KMT2C: variants seen among roughly 807,000 people sequenced by gnomAD.
KMT2C encodes histone-lysine N-methyltransferase 2C.
In KMT2C, 88 loss-of-function variants were observed where a neutral mutation model predicts 507.9. That is an observed-to-expected ratio of 0.17 (90% CI 0.15 to 0.21). The LOEUF is 0.21. KMT2C is among the 10% of genes least tolerant of loss of function. The pLI is 1.00. For synonymous variants in KMT2C, 2,049 were observed against 2,080.8 expected (o/e 0.98, Z 0.42); for missense variants, 4,954 against 5,957.8 (o/e 0.83, Z 5.55).
intron 25 of KMT2C, 34 bp downstream of exon 25, chr7:152,205,071 TA>T (rs752761493): frequency 1.7e-3 from 2,316 of 1,379,354 alleles, no homozygotes; most frequent in South Asian, 2.2e-3. Context: ...AGGGTTACAT[TA>T]AAAAAAAAAT....
rs780054077 is a variant in KMT2C at position 152,250,837 on chromosome 7, C to T, written c.1735+16G>A. 1 of 1,271,208 alleles carries T rather than the reference C, an allele frequency of 7.9e-7. No homozygotes were observed. Among genetic ancestry groups the T allele is most frequent in the Non-Finnish European group, 1.1e-6 (1 of 871,142 alleles). The allele number at this position is 1,271,208 out of a possible 1,614,324, so 78.7% of individuals were successfully genotyped here. On this transcript the variant is annotated intron_variant, in intron 12 of 58. Coordinates refer to ENST00000262189, the MANE Select transcript of KMT2C (RefSeq NM_170606.3). ...ATTTTCTTCAAAAACAGAGTATATC[C>T]ATTAAACATTCTTACCATCTGGAAC...
intron 2 of KMT2C, among the ~76,000 whole-genome samples, chr7:152,347,950 G>A (rs2097075819): frequency 6.6e-6 from 1 of 151,102 alleles, no homozygotes; most frequent in African/African-American, 2.4e-5. Context: ...GCTATTAAAG[G>A]GCCAACTGTT....
chr7:152,267,557 T>A (rs1463326351), intron 7 of KMT2C, among the ~76,000 whole-genome samples: 1 of 152,164 alleles, frequency 6.6e-6, no homozygotes, highest in Non-Finnish European at 1.5e-5. Flanking sequence ...TAACTGCAGT[T>A]TTTGACATTA....
intron 55 of KMT2C, among the ~76,000 whole-genome samples, chr7:152,142,389 TTC>T (rs1406582867): frequency 6.6e-6 from 1 of 152,202 alleles, no homozygotes; most frequent in Non-Finnish European, 1.5e-5. Context: ...AAGCTGCCTA[TTC>T]AATTAAGGTA....
In KMT2C at chr7:152,181,371, A is replaced by T. The variant is rs1401690225; in HGVS notation, c.6489T>A (p.Pro2163=). The T allele has an allele frequency of 4.3e-6, 7 of 1,614,022 alleles. No homozygotes were observed. The East Asian group carries it at 1.3e-4, about 31-fold the overall frequency. ...RSNTDPYSQP[P]GTPRPTTVDP... is the part of the protein sequence containing the mutation. ...CAACAGTAGTAGGCCGGGGAGTTCCAGGAGGTTGAGAGTAAGGGTCTGTAT... is the reference window on the plus strand; with the variant it reads ...CAACAGTAGTAGGCCGGGGAGTTCCTGGAGGTTGAGAGTAAGGGTCTGTAT... Residue 2163 remains proline, a synonymous_variant, in exon 36 of 59, where the codon CCT becomes CCA. Coordinates refer to ENST00000262189, the MANE Select transcript of KMT2C (RefSeq NM_170606.3).
intron 1 of KMT2C, among the ~76,000 whole-genome samples, chr7:152,380,465 G>A (rs1409069048): frequency 1.3e-5 from 2 of 152,242 alleles, no homozygotes; most frequent in East Asian, 3.9e-4. Context: ...CTACTCGAGA[G>A]GCGGAGACAG....
At chr7:152,380,339 A>C in intron 1 of KMT2C, among the ~76,000 whole-genome samples, 1 of 152,268 alleles carries the variant, frequency 6.6e-6, no homozygotes, top group Non-Finnish European at 1.5e-5. Context: ...AGGCCGAGGC[A>C]GGCAGATCAC....
intron 2 of KMT2C, among the ~76,000 whole-genome samples, chr7:152,339,447 A>T (rs568956441): frequency 2.4e-4 from 36 of 152,344 alleles, no homozygotes; most frequent in African/African-American, 7.0e-4. Context: ...TCAAAATTAC[A>T]GTAGTTATTA....
At chr7:152,351,448 C>T (rs1177193864) in intron 2 of KMT2C, among the ~76,000 whole-genome samples, 2 of 152,174 alleles carry the variant, frequency 1.3e-5, no homozygotes, top group Non-Finnish European at 2.9e-5. Context: ...AATTTCTCCG[C>T]TCCATTATAA....
In KMT2C at chr7:152,290,272, A is replaced by G. The variant is rs866657266; in HGVS notation, c.850-16405T>C. Among the ~76,000 whole-genome samples, 126 of 23,382 alleles carry G rather than the reference A, an allele frequency of 5.4e-3. 1 individual carries two copies. The highest frequency in any genetic ancestry group is 0.023 in the Admixed American group (40 of 1,730). 15.3% of individuals were successfully genotyped at this position (23,382 alleles called of 152,430 possible). On this transcript the variant is annotated intron_variant, in intron 6 of 58. Transcript: ENST00000262189. ...TGTGTGTATGTGTATATATATATAT[A>G]TATATATATATATATATATATATTT...
At chr7:152,199,209 A>G (rs1162415929) in intron 27 of KMT2C, 70 bp downstream of exon 27, 1 of 1,295,692 alleles carries the variant, frequency 7.7e-7, no homozygotes, top group Admixed American at 2.7e-5. Context: ...AACATTTCAA[A>G]AAGATTTAAC....
In KMT2C at chr7:152,136,675, A is replaced by T. The variant is rs2089902759; in HGVS notation, c.*157T>A. The T allele has an allele frequency of 4.9e-6, 3 of 614,942 alleles. No homozygotes were observed. Among genetic ancestry groups the T allele is most frequent in the Non-Finnish European group, 8.7e-6 (3 of 346,540 alleles). The allele number at this position is 614,942 out of a possible 1,614,324, so 38.1% of individuals were successfully genotyped here. A position where few individuals can be genotyped will look rare whatever the true frequency, so the allele number is the denominator to read the frequency against. On this transcript the variant is annotated 3_prime_UTR_variant, in exon 59 of 59. Coordinates refer to ENST00000262189, the MANE Select transcript of KMT2C (RefSeq NM_170606.3). ...GTCAGCTTCCTCCTGGCGCTGCTTT[A>T]ACCTAAAGGACTGAGGAAATCAGAA...
At chr7:152,168,951 T>C (rs957963113) in intron 41 of KMT2C, among the ~76,000 whole-genome samples, 1 of 152,152 alleles carries the variant, frequency 6.6e-6, no homozygotes, top group African/African-American at 2.4e-5. Context: ...GGGAAGATGG[T>C]TTTTCTGTAT....
At position 152,181,758 on chromosome 7, in the gene KMT2C, T is replaced by C; in HGVS notation, c.6102A>G (p.Ala2034=). ...DSYARPLLTP[A]PLDSGPGPFK... ...AAGGTCCAGGACCACTATCAAGAGG[T>C]GCAGGTGTCAACAAGGGTCGTGCAT... Residue 2034 remains alanine (A), a synonymous_variant, in exon 36 of 59, where the codon GCA becomes GCG. Coordinates refer to ENST00000262189, the MANE Select transcript of KMT2C (RefSeq NM_170606.3). The C allele has an allele frequency of 6.2e-7, 1 of 1,614,028 alleles. No individual in the cohort carries two copies. The highest frequency in any genetic ancestry group is 8.5e-7 in the Non-Finnish European group (1 of 1,179,996).
At chr7:152,255,140 T>TATATAC (rs1191597953) in intron 9 of KMT2C, among the ~76,000 whole-genome samples, 7 of 125,446 alleles carry the variant, frequency 5.6e-5, no homozygotes, top group Non-Finnish European at 9.7e-5. Context: ...TATATATATA[T>TATATAC]ATATACATAT....
Position 152,425,235 on chromosome 7 carries a change from AAT to A in KMT2C, c.161+10389_161+10390del, listed in dbSNP as rs200977385. On this transcript the variant is annotated intron_variant, in intron 1 of 58. Coordinates refer to ENST00000262189, the MANE Select transcript of KMT2C (RefSeq NM_170606.3). ...CAATCTTCTTGAATTCTCATCTATT[AAT>A]AGTTCTAATATTCTACAACTCTATA... Among the ~76,000 whole-genome samples the A allele has an allele frequency of 2.8e-4, 43 of 152,298 alleles. No homozygotes were observed. In the East Asian group the frequency reaches 7.9e-3, roughly 28 times the overall value.
intron 6 of KMT2C, 129 bp from the exon 7 acceptor site, chr7:152,273,996 A>G: frequency 1.2e-6 from 1 of 826,658 alleles, no homozygotes; most frequent in Non-Finnish European, 1.7e-6. Flanking sequence ...AAAATATTAA[A>G]CAAAGGATTC....
intron 42 of KMT2C, among the ~76,000 whole-genome samples, chr7:152,164,501 G>C (rs369666450): frequency 0.011 from 1,596 of 151,998 alleles, 41 homozygotes; most frequent in African/African-American, 0.037. Flanking sequence ...GTGTTAGCCA[G>C]GATGGTCTCG....
At chr7:152,182,641 A>G (rs772033161) in intron 35 of KMT2C, 47 bp from the exon 36 acceptor site, 56 of 1,468,470 alleles carry the variant, frequency 3.8e-5, no homozygotes, top group Non-Finnish European at 4.7e-5. Context: ...GTTAAGGAAG[A>G]AAACTACCAT....
Sources: allele counts gnomAD v4.1 joint callset (sites outside exome capture counted in the v4.1 genomes callset), GRCh38; gene constraint gnomAD v4.1.1; transcripts MANE v1.5; gene names NCBI Gene and HGNC (gene_info 2026-07-23, HGNC 2026-07-21).